The following CNBD1 variants were observed in gnomAD, a reference collection of about 807,000 sequenced individuals.
The protein encoded by CNBD1 is cyclic nucleotide binding domain containing 1.
CNBD1 carries 71 observed loss-of-function variants against 54.4 expected under a neutral mutation model. That is an observed-to-expected ratio of 1.30 (90% CI 1.08 to 1.59). The LOEUF (loss-of-function observed/expected upper bound fraction) is 1.59. Ranked by LOEUF, CNBD1 falls within the 40% of genes most tolerant of loss-of-function variation. The pLI is 0.00. For missense variants in CNBD1, 659 were observed against 518.0 expected, an observed-to-expected ratio of 1.27 and a Z score of -2.64; for synonymous variants, 182 against 170.7, an observed-to-expected ratio of 1.07 and a Z score of -0.51.
intron 4 of CNBD1, among the ~76,000 whole-genome samples, chr8:87,036,041 C>T (rs943865925): frequency 5.3e-5 from 8 of 152,156 alleles, no homozygotes; most frequent in East Asian, 1.9e-4. Context: ...AGTAGGGAAA[C>T]GCAGCCTTGC....
At chr8:86,983,084 T>A (rs1299815228) in intron 4 of CNBD1, among the ~76,000 whole-genome samples, 1 of 152,196 alleles carries the variant, frequency 6.6e-6, no homozygotes, top group African/African-American at 2.4e-5. Context: ...GGGTGTGTCC[T>A]CACCCAAATC....
chr8:86,939,614 A>G lies in CNBD1; in HGVS notation c.291A>G (p.Lys97=). Residue 97 remains lysine, a synonymous_variant, in exon 4 of 11, where the codon AAA becomes AAG. Transcript: ENST00000518476. ...TGTTCAGGGAACTCAATGAAGGCAAAGAGGAAAGTCAACATCAACAACCTG... is the reference window on the plus strand; with the variant it reads ...TGTTCAGGGAACTCAATGAAGGCAAGGAGGAAAGTCAACATCAACAACCTG... ...QEEQRELNEG[K]EESQHQQPDD... 1 of 1,590,402 alleles carries G rather than the reference A, an allele frequency of 6.3e-7. No homozygotes were observed. Among genetic ancestry groups the G allele is most frequent in the Admixed American group, 1.8e-5 (1 of 54,624 alleles).
chr8:87,144,863 A>G (rs962521114), intron 4 of CNBD1, among the ~76,000 whole-genome samples: 5 of 151,904 alleles, frequency 3.3e-5, no homozygotes, highest in Non-Finnish European at 7.4e-5. Context: ...AAGATAGATA[A>G]AGTTTAGTAG....
chr8:87,060,864 T>C (rs1486947203), intron 4 of CNBD1, among the ~76,000 whole-genome samples: 1 of 152,102 alleles, frequency 6.6e-6, no homozygotes, highest in African/African-American at 2.4e-5. Flanking sequence ...AATGATAAAA[T>C]GCAACTAGTA....
intron 8 of CNBD1, among the ~76,000 whole-genome samples, chr8:87,321,803 CTT>C (rs765165524): frequency 1.1e-5 from 1 of 88,994 alleles, no homozygotes; most frequent in African/African-American, 4.0e-5. Context: ...TTTTCTTTTT[CTT>C]TTTTTTTTTT....
At chr8:86,892,771 TCTTA>T (rs1388519250) in intron 2 of CNBD1, among the ~76,000 whole-genome samples, 1 of 152,178 alleles carries the variant, frequency 6.6e-6, no homozygotes, top group East Asian at 1.9e-4. Context: ...TTTCAAAATA[TCTTA>T]CTTTCCTTTT....
At position 87,423,747 on chromosome 8, in the gene CNBD1, T is replaced by A. The variant is rs928807304; in HGVS notation, c.214-4799T>A. ...TTGGTCTAAAATTCTCTTTTTTGGT[T>A]GTGTCTCTGCCCGGCTTTTGTATCA... is the stretch of plus-strand genomic sequence containing the variant. On this transcript the variant is annotated intron_variant, in intron 2 of 7. Coordinates refer to the CNBD1 transcript ENST00000521593. Among the ~76,000 whole-genome samples the A allele has an allele frequency of 7.8e-4, 118 of 151,824 alleles. No homozygotes were observed. The Middle Eastern group carries it at 0.01, about 13-fold the overall frequency.
intron 4 of CNBD1, among the ~76,000 whole-genome samples, chr8:87,078,072 T>C (rs56689452): frequency 0.01 from 1,592 of 152,288 alleles, 37 homozygotes; most frequent in African/African-American, 0.036. Flanking sequence ...CTTCAATGTG[T>C]ACATTTTGGG....
chr8:87,376,153 C>T (rs78618214), intron 10 of CNBD1, among the ~76,000 whole-genome samples: 2,281 of 151,972 alleles, frequency 0.015, 58 homozygotes, highest in African/African-American at 0.049. Context: ...GCTCTCAGTT[C>T]ATACTGCTTC....
At chr8:87,336,923 G>A (rs573083284) in intron 8 of CNBD1, among the ~76,000 whole-genome samples, 53 of 152,196 alleles carry the variant, frequency 3.5e-4, no homozygotes, top group Admixed American at 8.5e-4. Flanking sequence ...CTTTCTGATT[G>A]TTTGTTTTTC....
At chr8:86,891,548 G>T (rs2131793232) in intron 2 of CNBD1, among the ~76,000 whole-genome samples, 1 of 152,034 alleles carries the variant, frequency 6.6e-6, no homozygotes, top group South Asian at 2.1e-4. Flanking sequence ...CTTTTTGCTT[G>T]AGACTCTTTT....
chr8:87,104,688 A>C (rs376960592), intron 4 of CNBD1, among the ~76,000 whole-genome samples: 3 of 152,244 alleles, frequency 2.0e-5, no homozygotes, highest in East Asian at 3.8e-4. Flanking sequence ...GGTCCATAGT[A>C]AGAACTGAAG....
At chr8:86,988,721 A>G (rs1287241278) in intron 4 of CNBD1, among the ~76,000 whole-genome samples, 4 of 151,930 alleles carry the variant, frequency 2.6e-5, no homozygotes, top group African/African-American at 7.3e-5. Flanking sequence ...CTCTACCTCC[A>G]TTGATGCAAT....
intron 4 of CNBD1, among the ~76,000 whole-genome samples, chr8:86,994,729 A>G (rs1016600613): frequency 2.7e-5 from 4 of 150,028 alleles, no homozygotes; most frequent in Non-Finnish European, 4.4e-5. Flanking sequence ...TTCAGCCTCA[A>G]TGTGTGTGTC....
chr8:87,377,248 C>A (rs1046130026), intron 10 of CNBD1, among the ~76,000 whole-genome samples: 1 of 151,044 alleles, frequency 6.6e-6, no homozygotes, highest in South Asian at 2.1e-4. Flanking sequence ...GTGCGCTGCA[C>A]CCACTAACTC....
At chr8:87,377,923 A>C (rs1473017642) in intron 10 of CNBD1, among the ~76,000 whole-genome samples, 2 of 149,196 alleles carry the variant, frequency 1.3e-5, no homozygotes, top group Admixed American at 6.7e-5. Flanking sequence ...GCATTTTTTC[A>C]TGTGTTTTTT....
At chr8:87,104,378 A>C (rs1811491570) in intron 4 of CNBD1, among the ~76,000 whole-genome samples, 1 of 152,230 alleles carries the variant, frequency 6.6e-6, no homozygotes, top group Admixed American at 6.5e-5. Context: ...TAGAAGTAAA[A>C]GCAACAGGAA....
intron 4 of CNBD1, among the ~76,000 whole-genome samples, chr8:87,139,014 A>G (rs1350898478): frequency 6.6e-6 from 1 of 152,222 alleles, no homozygotes; most frequent in Non-Finnish European, 1.5e-5. Flanking sequence ...AGAGGAGATA[A>G]TTTAGCAGCT....
chr8:87,333,104 A>T (rs533783082), intron 8 of CNBD1, among the ~76,000 whole-genome samples: 71 of 152,070 alleles, frequency 4.7e-4, no homozygotes, highest in African/African-American at 1.7e-3. Flanking sequence ...TGTTAGATGT[A>T]TCTCTAGGTA....
Sources: gnomAD v4.1 joint callset for allele counts (sites outside exome capture counted in the v4.1 genomes callset) on GRCh38, gnomAD v4.1.1 for gene constraint, MANE v1.5 for transcripts, NCBI Gene and HGNC (gene_info 2026-07-23, HGNC 2026-07-21) for gene names.